Variants in SLIT3 observed in about 807,000 individuals in gnomAD.
SLIT3 encodes slit homolog 3 protein.
Under a neutral mutation model 184.0 loss-of-function variants are expected in SLIT3, and 68 were observed. The ratio of observed to expected loss-of-function variants is 0.37; its 90% confidence interval spans 0.30 to 0.45. SLIT3 has a LOEUF of 0.45. SLIT3 is among the 20% of genes least tolerant of loss of function. SLIT3 has a pLI of 1.00. For synonymous variants in SLIT3, 831 were observed against 828.6 expected, an observed-to-expected ratio of 1.00 and a Z score of -0.05; for missense variants, 1,707 against 2,026.0, an observed-to-expected ratio of 0.84 and a Z score of 3.02.
intron 4 of SLIT3, among the ~76,000 whole-genome samples, chr5:169,097,162 T>A (rs1185367177): frequency 6.6e-6 from 1 of 152,224 alleles, no homozygotes; most frequent in African/African-American, 2.4e-5. Flanking sequence ...TATTTAGTGT[T>A]GAAACATTAC....
intron 4 of SLIT3, among the ~76,000 whole-genome samples, chr5:169,110,805 C>T (rs1430499693): frequency 6.6e-6 from 1 of 152,152 alleles, no homozygotes; most frequent in East Asian, 1.9e-4. Flanking sequence ...CTCACCCCAC[C>T]CTCAAACCCT....
intron 4 of SLIT3, among the ~76,000 whole-genome samples, chr5:169,182,843 G>C (rs1763211606): frequency 6.6e-6 from 1 of 152,174 alleles, no homozygotes; most frequent in South Asian, 2.1e-4. Flanking sequence ...GTGAAGGCTG[G>C]CTTCTGGTTC....
At position 168,817,302 on chromosome 5, in the gene SLIT3, G is replaced by A. The variant is rs746962161; in HGVS notation, c.791C>T (p.Pro264Leu). 38 of 1,613,918 alleles carry A rather than the reference G, an allele frequency of 2.4e-5. No homozygotes were observed. The highest frequency in any genetic ancestry group is 3.2e-5 in the Non-Finnish European group (38 of 1,179,950). ...ADVQKKEYVC[P>L]APHSEPPSCN... ...GAGAGCAGGTAAAGCATCCTCACCT[G>A]GGCACACGTACTCCTTCTTCTGCAC... Residue 264 changes from proline (P) to leucine (L), a missense_variant and splice_region_variant, in exon 8 of 36, where the codon CCA (proline) becomes CTA (leucine). Coordinates refer to ENST00000519560, the MANE Select transcript of SLIT3 (RefSeq NM_003062.4).
intron 4 of SLIT3, among the ~76,000 whole-genome samples, chr5:169,061,761 T>C (rs997173080): frequency 3.3e-5 from 5 of 152,190 alleles, no homozygotes; most frequent in Admixed American, 1.3e-4. Flanking sequence ...CAGCCCTTCC[T>C]GGGAAAATGC....
intron 4 of SLIT3, among the ~76,000 whole-genome samples, chr5:168,918,647 C>T (rs1470757816): frequency 6.6e-6 from 1 of 152,138 alleles, no homozygotes; most frequent in Non-Finnish European, 1.5e-5. Context: ...GCTATGGCCT[C>T]CCTAAGCATC....
At chr5:169,157,463 A>G (rs544091984) in intron 4 of SLIT3, among the ~76,000 whole-genome samples, 1 of 152,188 alleles carries the variant, frequency 6.6e-6, no homozygotes, top group Non-Finnish European at 1.5e-5. Flanking sequence ...CCTACTTAGC[A>G]GTAACAAAGA....
At chr5:168,869,064 G>C (rs993334936) in intron 5 of SLIT3, among the ~76,000 whole-genome samples, 1 of 152,196 alleles carries the variant, frequency 6.6e-6, no homozygotes, top group Admixed American at 6.5e-5. Context: ...ACTCTGGTTG[G>C]CCTGTGGTTG....
chr5:168,694,890 A>G (rs959467614), intron 28 of SLIT3, among the ~76,000 whole-genome samples: 2 of 152,212 alleles, frequency 1.3e-5, no homozygotes, highest in Non-Finnish European at 2.9e-5. Flanking sequence ...AAGTGCTGGG[A>G]TTACAGGCGT....
chr5:168,969,468 C>A (rs1263527655), intron 4 of SLIT3, among the ~76,000 whole-genome samples: 1 of 152,220 alleles, frequency 6.6e-6, no homozygotes, highest in Non-Finnish European at 1.5e-5. Flanking sequence ...TTGTTGACAT[C>A]TACATTACCC....
At chr5:169,072,117 G>A (rs1426686556) in intron 4 of SLIT3, among the ~76,000 whole-genome samples, 1 of 152,166 alleles carries the variant, frequency 6.6e-6, no homozygotes, top group African/African-American at 2.4e-5. Context: ...CCACATGCAA[G>A]TATTGCATCA....
Position 169,125,724 on chromosome 5 carries a change from CAG to C in SLIT3, c.413+67753_413+67754del, listed in dbSNP as rs542416384. ...CTCCTACCACATTTTTCCCCCAAAG[CAG>C]AGAGAGGGAGGAAAAGAACGTGACT... On this transcript the variant is annotated intron_variant, in intron 4 of 35. Transcript: ENST00000519560. Among the ~76,000 whole-genome samples, 20 of 152,256 alleles carry C rather than the reference CAG, an allele frequency of 1.3e-4. No homozygotes were observed. The East Asian group carries it at 3.7e-3, about 28-fold the overall frequency.
At chr5:169,194,113 T>C (rs766725247) in intron 3 of SLIT3, among the ~76,000 whole-genome samples, 73 of 151,906 alleles carry the variant, frequency 4.8e-4, no homozygotes, top group Non-Finnish European at 8.4e-4. Context: ...TGCATGCCTG[T>C]AGTCCCAGCT....
At chr5:168,753,633 G>T (rs917941840) in intron 17 of SLIT3, among the ~76,000 whole-genome samples, 1 of 152,102 alleles carries the variant, frequency 6.6e-6, no homozygotes, top group Non-Finnish European at 1.5e-5. Context: ...TGACTATGTT[G>T]GGTGTGTGTG....
intron 4 of SLIT3, chr5:168,995,823 A>G (rs62378626): frequency 0.05 from 7,673 of 152,388 alleles, 221 homozygotes; most frequent in African/African-American, 0.063. Context: ...CCAACTCCTC[A>G]GTGGCAAGGC....
At chr5:169,092,869 C>T (rs1370806908) in intron 4 of SLIT3, among the ~76,000 whole-genome samples, 1 of 152,162 alleles carries the variant, frequency 6.6e-6, no homozygotes, top group East Asian at 1.9e-4. Flanking sequence ...TTTTGTACAT[C>T]AATTTGCCAT....
intron 23 of SLIT3, among the ~76,000 whole-genome samples, chr5:168,721,346 A>G (rs1762935013): frequency 6.6e-6 from 1 of 152,360 alleles, no homozygotes; most frequent in African/African-American, 2.4e-5. Context: ...AAGCTGTGAT[A>G]TAAGAATAAT....
chr5:168,708,609 C>T (rs1762449142), intron 25 of SLIT3: 1 of 170,640 alleles, frequency 5.9e-6, no homozygotes, highest in African/African-American at 2.4e-5. Flanking sequence ...CCCCAGAGGA[C>T]ACAGCGATGA....
At chr5:168,865,099 C>T (rs1304273050) in intron 5 of SLIT3, among the ~76,000 whole-genome samples, 2 of 135,500 alleles carry the variant, frequency 1.5e-5, no homozygotes, top group African/African-American at 2.8e-5. Flanking sequence ...ACCTGGGAGG[C>T]GAGGCGGAGG....
intron 16 of SLIT3, among the ~76,000 whole-genome samples, chr5:168,754,568 A>G (rs945874663): frequency 2.6e-5 from 4 of 152,222 alleles, no homozygotes; most frequent in Non-Finnish European, 5.9e-5. Flanking sequence ...TGACAGTCAC[A>G]GTAGGGTGAC....
Sources: gnomAD v4.1 joint callset for allele counts (sites outside exome capture counted in the v4.1 genomes callset) on GRCh38, gnomAD v4.1.1 for gene constraint, MANE v1.5 for transcripts, NCBI Gene and HGNC (gene_info 2026-07-23, HGNC 2026-07-21) for gene names.